The following PRKN variants were observed in gnomAD, a reference collection of about 807,000 sequenced individuals.
PRKN encodes the protein parkin RBR E3 ubiquitin protein ligase.
Under a neutral mutation model 59.5 loss-of-function variants are expected in PRKN, and 56 were observed. The ratio of observed to expected loss-of-function variants is 0.94; its 90% CI spans 0.76 to 1.18. PRKN has a LOEUF of 1.18. PRKN is among the 50% of genes most tolerant of loss of function. PRKN has a pLI of 0.00. For missense variants in PRKN, 657 were observed against 596.4 expected, an observed-to-expected ratio of 1.10 and a Z score of -1.06; for synonymous variants, 250 against 222.1, an observed-to-expected ratio of 1.13 and a Z score of -1.12.
At position 161,369,652 on chromosome 6, in the gene PRKN, C is replaced by T. The variant is rs910651578; in HGVS notation, c.1168-9447G>A. Among the ~76,000 whole-genome samples the T allele has an allele frequency of 6.6e-6, 1 of 152,054 alleles. No individual in the cohort carries two copies. Among genetic ancestry groups the T allele is most frequent in the Non-Finnish European group, 1.5e-5 (1 of 68,014 alleles). On this transcript the variant is annotated intron_variant, in intron 10 of 11. Coordinates refer to ENST00000366898, the MANE Select transcript of PRKN (RefSeq NM_004562.3). The surrounding 1 kb of genome is among the most constrained non-coding windows in gnomAD (Gnocchi z 5.8). ...CACCCGTGGCAGGAGGAATTGCATG[C>T]ATGCATGTGTGTACGCACGCGTGGT...
intron 4 of PRKN, among the ~76,000 whole-genome samples, chr6:162,171,397 G>A (rs542368780): frequency 6.6e-6 from 1 of 152,266 alleles, no homozygotes; most frequent in East Asian, 1.9e-4. Context: ...GGGACAGCCT[G>A]AGTGGTTGAA....
chr6:162,405,524 G>A (rs1444179391), intron 2 of PRKN, among the ~76,000 whole-genome samples: 2 of 152,128 alleles, frequency 1.3e-5, no homozygotes, highest in Non-Finnish European at 2.9e-5. Flanking sequence ...GATGCCAGGT[G>A]CTATGAAGTG....
chr6:161,536,093 A>C (rs1056315774), intron 9 of PRKN, among the ~76,000 whole-genome samples: 3 of 152,152 alleles, frequency 2.0e-5, no homozygotes, highest in African/African-American at 7.2e-5. Flanking sequence ...ATCTGCCCAA[A>C]GTCCTTAGTA....
chr6:162,537,597 G>A (rs758611499), intron 1 of PRKN, among the ~76,000 whole-genome samples: 2 of 152,154 alleles, frequency 1.3e-5, no homozygotes, highest in African/African-American at 2.4e-5. Context: ...GGATCTCCCT[G>A]TCTCTGTACT....
chr6:162,153,536 G>A (rs916043159), intron 4 of PRKN, among the ~76,000 whole-genome samples: 1 of 152,168 alleles, frequency 6.6e-6, no homozygotes, highest in African/African-American at 2.4e-5. Context: ...GGGCAAAGGG[G>A]CATTATAACA....
chr6:161,827,242 T>G (rs948499218), intron 6 of PRKN, among the ~76,000 whole-genome samples: 24 of 152,200 alleles, frequency 1.6e-4, no homozygotes, highest in African/African-American at 5.1e-4. Flanking sequence ...CTGAAGACCC[T>G]GAAGATGCTG....
At position 161,578,130 on chromosome 6, in the gene PRKN, G is replaced by T. The variant is rs1364798658; in HGVS notation, c.872-8714C>A. 4.6e-5 allele frequency among the ~76,000 whole-genome samples: 7 copies of T among 152,054 alleles called. No homozygotes were observed. The highest frequency in any genetic ancestry group is 7.4e-5 in the Non-Finnish European group (5 of 68,018). On this transcript the variant is annotated intron_variant, in intron 7 of 11. Coordinates refer to ENST00000366898, the MANE Select transcript of PRKN (RefSeq NM_004562.3). This position sits in a 1 kb window ranked among gnomAD's most constrained non-coding sequence, Gnocchi z 4.2. ...GCCAAGTGAGCAGAGAGCAACCAAA[G>T]AGGTATAAAAAAAGAAAAAGAGGAG...
intron 2 of PRKN, among the ~76,000 whole-genome samples, chr6:162,348,453 G>A (rs1784494535): frequency 6.6e-6 from 1 of 151,966 alleles, no homozygotes. Flanking sequence ...AACTGACGAG[G>A]AATGCAATAA....
At chr6:161,508,381 C>T (rs1047484552) in intron 9 of PRKN, among the ~76,000 whole-genome samples, 18 of 152,188 alleles carry the variant, frequency 1.2e-4, no homozygotes, top group African/African-American at 1.7e-4. Flanking sequence ...AACTCCTTGT[C>T]GACTGTCTAT....
rs563358996 is a variant in PRKN, at chr6:161,904,370, C to A, written c.734+68932G>T. ...TGGCTCTGTTGCCCAGGCTGGAGTG[C>A]AGTGGCACGATCTCAGCTCACTGCA... On this transcript the variant is annotated intron_variant, in intron 6 of 11. Coordinates refer to ENST00000366898, the MANE Select transcript of PRKN (RefSeq NM_004562.3). Among the ~76,000 whole-genome samples the A allele has an allele frequency of 3.1e-4, 41 of 132,028 alleles. 1 individual carries two copies. The East Asian group carries it at 8.2e-3, about 27-fold the overall frequency. 86.6% of individuals were successfully genotyped at this position (132,028 alleles called of 152,430 possible). A position where few individuals can be genotyped will look rare whatever the true frequency, so the allele number is the denominator to read the frequency against.
At chr6:161,496,901 C>T (rs146401533) in intron 9 of PRKN, among the ~76,000 whole-genome samples, 31 of 152,302 alleles carry the variant, frequency 2.0e-4, no homozygotes, top group African/African-American at 7.2e-4. Context: ...GGGATTCTTC[C>T]CCATGGGTTT....
At chr6:162,261,383 C>T (rs1324998817) in intron 3 of PRKN, among the ~76,000 whole-genome samples, 1 of 152,176 alleles carries the variant, frequency 6.6e-6, no homozygotes, top group African/African-American at 2.4e-5. Context: ...GTCTCATACA[C>T]ACTCAAGGTG....
rs553265627 is a variant in PRKN, at chr6:161,527,002, C to T, written c.1083+21852G>A. On this transcript the variant is annotated intron_variant, in intron 9 of 11. Transcript: ENST00000366898. The surrounding 1 kb of genome is among the most constrained non-coding windows in gnomAD (Gnocchi z 4.6). ...ATGAACAAAGGCTATCTTGTTATAC[C>T]GATAGAAAGCCTCAGGAGTAGTAAA... is the stretch of plus-strand genomic sequence containing the variant. Among the ~76,000 whole-genome samples, 3 of 152,098 alleles carry T rather than the reference C, an allele frequency of 2.0e-5. No homozygotes were observed. The highest frequency in any genetic ancestry group is 2.1e-4 in the South Asian group (1 of 4,818).
chr6:161,474,398 T>G (rs1455687159), intron 9 of PRKN, among the ~76,000 whole-genome samples: 3 of 152,192 alleles, frequency 2.0e-5, no homozygotes, highest in South Asian at 2.1e-4. Context: ...GCTTGTGAAC[T>G]TGGATGGGAA....
intron 2 of PRKN, among the ~76,000 whole-genome samples, chr6:162,332,357 C>T (rs567958379): frequency 6.6e-6 from 1 of 152,314 alleles, no homozygotes; most frequent in South Asian, 2.1e-4. Context: ...AGTGTCAACA[C>T]AGCACACAAC....
intron 2 of PRKN, among the ~76,000 whole-genome samples, chr6:162,371,638 C>T (rs1054652555): frequency 7.9e-5 from 12 of 152,070 alleles, no homozygotes; most frequent in Non-Finnish European, 1.2e-4. Flanking sequence ...AATAACCATT[C>T]GATAAAACTT....
At chr6:162,610,123 ACT>A (rs1583901322) in intron 1 of PRKN, among the ~76,000 whole-genome samples, 1 of 152,230 alleles carries the variant, frequency 6.6e-6, no homozygotes, top group Non-Finnish European at 1.5e-5. Context: ...TCTGTCAGGT[ACT>A]GTTATAAATG....
intron 7 of PRKN, among the ~76,000 whole-genome samples, chr6:161,637,634 T>G (rs1783574246): frequency 6.6e-6 from 1 of 151,774 alleles, no homozygotes; most frequent in African/African-American, 2.4e-5. Flanking sequence ...TCTAAAGAAT[T>G]GCTTAAAAGC....
chr6:161,779,287 TCCA>T (rs925953209), intron 7 of PRKN, among the ~76,000 whole-genome samples: 2 of 152,054 alleles, frequency 1.3e-5, no homozygotes, highest in Admixed American at 6.6e-5. Flanking sequence ...AACCTTTAGC[TCCA>T]CCACAGAAGA....
Sources: gnomAD v4.1 joint callset for allele counts (sites outside exome capture counted in the v4.1 genomes callset) on GRCh38, gnomAD v4.1.1 for gene constraint, Gnocchi (gnomAD v3.1) non-coding constraint, MANE v1.5 for transcripts, NCBI Gene and HGNC (gene_info 2026-07-23, HGNC 2026-07-21) for gene names.